COL7A1: variants seen among roughly 807,000 people sequenced by gnomAD.
COL7A1 encodes collagen alpha-1(VII) chain.
COL7A1 carries 296 observed loss-of-function variants against 456.2 expected under a neutral mutation model. The observed-to-expected ratio is 0.65, with a 90% CI of 0.59 to 0.71. COL7A1 has a LOEUF of 0.71. Ranked by LOEUF, COL7A1 falls within the 30% of genes least tolerant of loss-of-function variation. The pLI is 0.00. For synonymous variants in COL7A1, 1,464 were observed against 1,525.9 expected, an observed-to-expected ratio of 0.96 and a Z score of 0.95; for missense variants, 3,441 against 4,017.2, an observed-to-expected ratio of 0.86 and a Z score of 3.88.
rs2043597120 is a variant in COL7A1 at position 48,566,204 on chromosome 3, C to A, written c.8407+63G>T. On this transcript the variant is annotated intron_variant, in intron 114 of 118. Transcript: ENST00000681320. This position sits in a 1 kb window ranked among gnomAD's most constrained non-coding sequence, Gnocchi z 5.9. The stretch of plus-strand genomic sequence containing the variant: ...CTGCTTGCCCTGTAAGTTCTAGGGG[C>A]CTGCCTGCCCTTGCCTAGGGTGCTG... 1.3e-6 allele frequency: 2 copies of A among 1,541,648 alleles called. No homozygotes were observed. The highest frequency in any genetic ancestry group is 1.9e-5 in the Admixed American group (1 of 51,358).
chr3:48,595,099 C>G lies in COL7A1; in HGVS notation c.61G>C (p.Val21Leu), dbSNP rs377112899. 23 of 1,552,866 alleles carry G rather than the reference C, an allele frequency of 1.5e-5. No homozygotes were observed. The highest frequency in any genetic ancestry group is 7.3e-5 in the East Asian group (3 of 41,168). ...CAGILAEAPRVRAQHRERVTC... is the reference protein window; with the variant it reads ...CAGILAEAPRLRAQHRERVTC... ...CCTCTCTCCCTGTGCTGGGCTCGCA[C>G]TCGGGGCGCCTCTGCCAGGATCCCG... Residue 21 changes from valine to leucine, a missense_variant, in exon 2 of 119, where the codon GTG becomes CTG. By Grantham distance (32) the Val-to-Leu change is conservative. Around this residue, in one of 3 missense-constraint regions of COL7A1, gnomAD observed 913 missense variants for 1,088.2 expected, o/e 0.84. Transcript: ENST00000681320.
chr3:48,595,015 G>T, intron 2 of COL7A1, 60 bp downstream of exon 2: 1 of 1,374,682 alleles, frequency 7.3e-7, no homozygotes, highest in Non-Finnish European at 1.0e-6. Context: ...TGAAGGCCGA[G>T]TGGAGCGGAG....
At chr3:48,584,100 C>T in intron 37 of COL7A1, 39 bp from the exon 38 acceptor site, 2 of 1,614,162 alleles carry the variant, frequency 1.2e-6, no homozygotes, top group Non-Finnish European at 1.7e-6. Flanking sequence ...CTGGGCCACA[C>T]CTCACTCCCA....
rs767866569 is a variant in COL7A1 at position 48,588,984 on chromosome 3, C to T, written c.2326G>A (p.Val776Met). 2 of 1,613,346 alleles carry T rather than the reference C, an allele frequency of 1.2e-6. No homozygotes were observed. Among genetic ancestry groups the T allele is most frequent in the Admixed American group, 3.3e-5 (2 of 60,010 alleles). ...ATCTGCAGCCTCGACACACGACCCA[C>T]AGGCTCAGGGGCTGGGGACAGAGGC... Reference protein sequence around the residue: ...SVVVRTAPEPVGRVSRLQILN... With the variant: ...SVVVRTAPEPMGRVSRLQILN... Residue 776 changes from valine (V) to methionine (M), a missense_variant, in exon 19 of 119, where the codon GTG (valine) becomes ATG (methionine). By Grantham distance (21) the Val-to-Met change is conservative. Transcript: ENST00000681320. This position sits in a 1 kb window ranked among gnomAD's most constrained non-coding sequence, Gnocchi z 4.6.
rs1271751518 is a variant in COL7A1 at position 48,590,681 on chromosome 3, A to G, written c.1772T>C (p.Val591Ala). Residue 591 changes from valine (V) to alanine (A), a missense_variant, in exon 14 of 119, where the codon GTC becomes GCC. Val to Ala is a moderately conservative substitution (Grantham distance 64). This residue lies in a region of COL7A1 where 913 missense variants were observed against 1,088.2 expected (regional missense o/e 0.84). Transcript: ENST00000681320. The surrounding 1 kb of genome is among the most constrained non-coding windows in gnomAD (Gnocchi z 4.6). Reference sequence around the variant, plus strand: ...CCTCCTGCAGTACTCACCCCGGCGGACAGTGAGGACACTGGCACTGCCCTC... The same window carrying G: ...CCTCCTGCAGTACTCACCCCGGCGGGCAGTGAGGACACTGGCACTGCCCTC... ...PREGSASVLT[V>A]RREPETPLAV... 5.6e-6 allele frequency: 9 copies of G among 1,614,004 alleles called. No homozygotes were observed. The African/African-American group carries it at 1.1e-4, about 19-fold the overall frequency.
In COL7A1 at chr3:48,570,092, G is replaced by A. The variant is rs1161894579; in HGVS notation, c.7485+42C>T. The A allele has an allele frequency of 4.3e-6, 7 of 1,612,366 alleles. No homozygotes were observed. The highest frequency in any genetic ancestry group is 5.9e-6 in the Non-Finnish European group (7 of 1,178,490). On this transcript the variant is annotated intron_variant, in intron 99 of 118. Transcript: ENST00000681320. This position sits in a 1 kb window ranked among gnomAD's most constrained non-coding sequence, Gnocchi z 5.5. ...TGGGGTACAAAGGGCACAGGCAGGG[G>A]ACTGAAGTCACAGCACTGTCACTTT...
rs1004363573 is a variant in COL7A1, at chr3:48,583,231, G to A, written c.4438-60C>T. On this transcript the variant is annotated intron_variant, in intron 42 of 118. Coordinates refer to ENST00000681320, the MANE Select transcript of COL7A1 (RefSeq NM_000094.4). This position sits in a 1 kb window ranked among gnomAD's most constrained non-coding sequence, Gnocchi z 5.1. ...AGAGGGTTGGTGGCGGGGCTTGAAC[G>A]TCAAACCCCAGACAAGGGGTCCCAA... 4.4e-5 allele frequency: 71 copies of A among 1,606,664 alleles called. No homozygotes were observed. The Admixed American group carries it at 9.9e-4, about 23-fold the overall frequency.
Position 48,567,173 on chromosome 3 carries a change from G to A in COL7A1, c.8064C>T (p.Asp2688=), listed in dbSNP as rs546054756. 105 of 1,613,914 alleles carry A rather than the reference G, an allele frequency of 6.5e-5. No individual in the cohort carries two copies. Among genetic ancestry groups the A allele is most frequent in the Admixed American group, 5.5e-4 (33 of 60,016 alleles). ...LIGPKGDRGF[D]GQPGPKGDQG... ...GGTCACCCTTGGGGCCTGGCTGCCCGTCAAAGCCTCGGTCACCCTGGGAAC... is the reference window on the plus strand; with the variant it reads ...GGTCACCCTTGGGGCCTGGCTGCCCATCAAAGCCTCGGTCACCCTGGGAAC... Residue 2688 remains aspartate (D), a synonymous_variant, in exon 110 of 119, where the codon GAC becomes GAT. Coordinates refer to ENST00000681320, the MANE Select transcript of COL7A1 (RefSeq NM_000094.4). This position sits in a 1 kb window ranked among gnomAD's most constrained non-coding sequence, Gnocchi z 4.3.
At position 48,588,939 on chromosome 3, in the gene COL7A1, C is replaced by A; in HGVS notation, c.2371G>T (p.Val791Phe). 1 of 1,613,612 alleles carries A rather than the reference C, an allele frequency of 6.2e-7. No individual in the cohort carries two copies. The highest frequency in any genetic ancestry group is 8.5e-7 in the Non-Finnish European group (1 of 1,180,036). Residue 791 changes from valine (V) to phenylalanine (F), a missense_variant, in exon 19 of 119, where the codon GTT becomes TTT. Around this residue, in one of 3 missense-constraint regions of COL7A1, gnomAD observed 913 missense variants for 1,088.2 expected, o/e 0.84. Transcript: ENST00000681320. This position sits in a 1 kb window ranked among gnomAD's most constrained non-coding sequence, Gnocchi z 4.6. ...ACCCCTACCCAGGTGATCCGTAGAA[C>A]GTCGCTGGAAGCATTGAGGATCTGC... is the stretch of plus-strand genomic sequence containing the variant. ...RLQILNASSD[V>F]LRITWVGVTG...
rs1395384566 is a variant in COL7A1, at chr3:48,585,029, T to G, written c.3975+7A>C. The G allele has an allele frequency of 6.2e-7, 1 of 1,613,218 alleles. No homozygotes were observed. The highest frequency in any genetic ancestry group is 1.1e-5 in the South Asian group (1 of 91,056). ...CCACCCTGACCTGCAGGACAAGGCT[T>G]GCTCACCTTTAGGCCAGGGGCTCCA... On this transcript the variant is annotated splice_region_variant and intron_variant, in intron 33 of 118. Transcript: ENST00000681320. The surrounding 1 kb of genome is among the most constrained non-coding windows in gnomAD (Gnocchi z 4.5).
Position 48,574,980 on chromosome 3 carries a change from C to T in COL7A1, c.6279+84G>A, listed in dbSNP as rs948719145. The T allele has an allele frequency of 3.8e-6, 6 of 1,563,612 alleles. No individual in the cohort carries two copies. In the Admixed American group the frequency reaches 8.5e-5, roughly 22 times the overall value. Reference sequence around the variant, plus strand: ...GGTCAGAAATTCCAGGGTTATGGCACACACTACCATATTTCTGGGGACCAA... The same window carrying T: ...GGTCAGAAATTCCAGGGTTATGGCATACACTACCATATTTCTGGGGACCAA... On this transcript the variant is annotated intron_variant, in intron 76 of 118. Coordinates refer to ENST00000681320, the MANE Select transcript of COL7A1 (RefSeq NM_000094.4). The surrounding 1 kb of genome is among the most constrained non-coding windows in gnomAD (Gnocchi z 5.0).
rs746880848 is a variant in COL7A1, at chr3:48,583,411, A to C, written c.4419T>G (p.Pro1473=). 2.5e-6 allele frequency: 4 copies of C among 1,614,054 alleles called. No homozygotes were observed. Residue 1473 remains proline, a synonymous_variant, in exon 42 of 119, where the codon CCT becomes CCG. Coordinates refer to ENST00000681320, the MANE Select transcript of COL7A1 (RefSeq NM_000094.4). This position sits in a 1 kb window ranked among gnomAD's most constrained non-coding sequence, Gnocchi z 5.1. ...SPGEQGPRGP[P]GAIGPKGDRG... ...TACTCACTTTGGGGCCAATAGCTCC[A>C]GGAGGTCCCCGTGGGCCCTGGAAGG...
Position 48,590,862 on chromosome 3 carries a change from G to A in COL7A1, c.1637-46C>T, listed in dbSNP as rs996343913. On this transcript the variant is annotated intron_variant, in intron 13 of 118. Coordinates refer to ENST00000681320, the MANE Select transcript of COL7A1 (RefSeq NM_000094.4). The surrounding 1 kb of genome is among the most constrained non-coding windows in gnomAD (Gnocchi z 4.6). Reference sequence around the variant, plus strand: ...GGTGGGCAGGGGTCAGAAAGAGACAGGGATGTGGGACGATGGCAGTGATGG... The same window carrying A: ...GGTGGGCAGGGGTCAGAAAGAGACAAGGATGTGGGACGATGGCAGTGATGG... 5.6e-6 allele frequency: 9 copies of A among 1,604,164 alleles called. No individual in the cohort carries two copies. The highest frequency in any genetic ancestry group is 2.7e-5 in the African/African-American group (2 of 74,826).
chr3:48,582,982 C>G (rs1377280270), intron 44 of COL7A1, 31 bp downstream of exon 44: 3 of 1,614,026 alleles, frequency 1.9e-6, no homozygotes, highest in South Asian at 2.2e-5. Flanking sequence ...GCCAGGTCAG[C>G]TGGTATGAGC....
In COL7A1 at chr3:48,578,651, C is replaced by A; in HGVS notation, c.5425-136G>T. The A allele has an allele frequency of 9.2e-7, 1 of 1,084,006 alleles. No individual in the cohort carries two copies. Among genetic ancestry groups the A allele is most frequent in the Non-Finnish European group, 1.4e-6 (1 of 734,292 alleles). The allele number at this position is 1,084,006 out of a possible 1,614,324, so 67.1% of individuals were successfully genotyped here. On this transcript the variant is annotated intron_variant, in intron 63 of 118. Coordinates refer to ENST00000681320, the MANE Select transcript of COL7A1 (RefSeq NM_000094.4). The surrounding 1 kb of genome is among the most constrained non-coding windows in gnomAD (Gnocchi z 4.7). Reference sequence around the variant, plus strand: ...GGACTGAGAGGTCCCATTGAGATCCCTCAGGCACAGACCCCATGGATGGGG... The same window carrying A: ...GGACTGAGAGGTCCCATTGAGATCCATCAGGCACAGACCCCATGGATGGGG...
In COL7A1 at chr3:48,574,297, C is replaced by T. The variant is rs2044137535; in HGVS notation, c.6466G>A (p.Gly2156Arg). The T allele has an allele frequency of 1.2e-6, 2 of 1,614,178 alleles. No individual in the cohort carries two copies. Among genetic ancestry groups the T allele is most frequent in the East Asian group, 4.5e-5 (2 of 44,888 alleles). ...RGQDGNPGLP[G>R]ERGMAGPEGK... ...TCAGGCCCAGCCATACCACGCTCTC[C>T]TGGTAGACCCTGCAGAGAATAGGTT... The change falls in exon 80 of 119, where the codon GGA becomes AGA. Residue 2156 changes from glycine (G) to arginine (R), a missense_variant. This residue lies in a region of COL7A1 where 2,084 missense variants were observed against 2,501.3 expected (regional missense o/e 0.83). Coordinates refer to ENST00000681320, the MANE Select transcript of COL7A1 (RefSeq NM_000094.4). The surrounding 1 kb of genome is among the most constrained non-coding windows in gnomAD (Gnocchi z 5.0).
rs1193098609 is a variant in COL7A1, at chr3:48,572,093, T to G, written c.7023+34A>C. 3 of 1,613,562 alleles carry G rather than the reference T, an allele frequency of 1.9e-6. No individual in the cohort carries two copies. Among genetic ancestry groups the G allele is most frequent in the Non-Finnish European group, 2.5e-6 (3 of 1,179,890 alleles). On this transcript the variant is annotated intron_variant, in intron 91 of 118. Coordinates refer to ENST00000681320, the MANE Select transcript of COL7A1 (RefSeq NM_000094.4). This position sits in a 1 kb window ranked among gnomAD's most constrained non-coding sequence, Gnocchi z 4.6. ...GGTGTCTGGACTGAGCCTTCTCTGC[T>G]CAGTAGTCAGGCCCCAGGGCCAACC...
Position 48,565,774 on chromosome 3 carries a change from A to G in COL7A1, c.8408-106T>C, listed in dbSNP as rs905439590. 5.6e-6 allele frequency: 6 copies of G among 1,074,570 alleles called. No individual in the cohort carries two copies. The highest frequency in any genetic ancestry group is 1.3e-5 in the South Asian group (1 of 74,238). 66.6% of individuals were successfully genotyped at this position (1,074,570 alleles called of 1,614,324 possible). ...CAGAGGGGTAGAGATACACAAAGAGATAGCAGGAGAGGGTAACAGGAGAGA... is the reference window on the plus strand; with the variant it reads ...CAGAGGGGTAGAGATACACAAAGAGGTAGCAGGAGAGGGTAACAGGAGAGA... On this transcript the variant is annotated intron_variant, in intron 114 of 118. Transcript: ENST00000681320. This position sits in a 1 kb window ranked among gnomAD's most constrained non-coding sequence, Gnocchi z 4.5.
At position 48,573,891 on chromosome 3, in the gene COL7A1, C is replaced by T. The variant is rs2107665131; in HGVS notation, c.6502-1G>A. On this transcript the variant is annotated splice_acceptor_variant, in intron 80 of 118. Transcript: ENST00000681320. LOFTEE classifies it high-confidence loss of function. This position sits in a 1 kb window ranked among gnomAD's most constrained non-coding sequence, Gnocchi z 5.5. The stretch of plus-strand genomic sequence containing the variant: ...GGGGGCCTCTTGGACCCTGCAGACC[C>T]TACATAGAGAGGGCACTGATGAGCC... 6.2e-7 allele frequency: 1 copy of T among 1,613,418 alleles called. No individual in the cohort carries two copies. The highest frequency in any genetic ancestry group is 8.5e-7 in the Non-Finnish European group (1 of 1,179,940).
Sources: gnomAD v4.1 joint callset for allele counts on GRCh38, gnomAD v4.1.1 for gene constraint, gnomAD v4.1.1 regional missense constraint, Gnocchi (gnomAD v3.1) non-coding constraint, MANE v1.5 for transcripts, NCBI Gene and HGNC (gene_info 2026-07-23, HGNC 2026-07-21) for gene names.